The following CAMTA1 variants were observed in gnomAD, a reference collection of about 807,000 sequenced individuals.
The protein encoded by CAMTA1 is calmodulin-binding transcription activator 1.
A neutral mutation model predicts 170.9 loss-of-function variants in CAMTA1; 27 were observed. That is an observed-to-expected ratio of 0.16 (90% confidence interval 0.12 to 0.22). The LOEUF (loss-of-function observed/expected upper bound fraction) is 0.22. Among genes scored for constraint, CAMTA1 ranks in the 10% least tolerant of loss-of-function variants. CAMTA1 has a pLI of 1.00. For synonymous variants in CAMTA1, 833 were observed against 891.5 expected (o/e 0.93, Z 1.17); for missense variants, 1,619 against 2,217.2 (o/e 0.73, Z 5.42).
intron 4 of CAMTA1, among the ~76,000 whole-genome samples, chr1:7,180,728 T>G (rs1428213309): frequency 6.6e-6 from 1 of 152,052 alleles, no homozygotes; most frequent in Non-Finnish European, 1.5e-5. Flanking sequence ...CCCAGGCTGG[T>G]CTTGAGCACC....
At chr1:7,576,059 A>G (rs1407788736) in intron 6 of CAMTA1, among the ~76,000 whole-genome samples, 1 of 152,100 alleles carries the variant, frequency 6.6e-6, no homozygotes, top group Admixed American at 6.6e-5. Context: ...CCCAGGCTGG[A>G]GTGCAATGGT....
chr1:7,049,142 G>C (rs1406879480), intron 3 of CAMTA1, among the ~76,000 whole-genome samples: 1 of 152,200 alleles, frequency 6.6e-6, no homozygotes, highest in Non-Finnish European at 1.5e-5. Context: ...CTTGTTTCAA[G>C]TCTGGGGGTT....
intron 11 of CAMTA1, among the ~76,000 whole-genome samples, chr1:7,687,158 G>C (rs1457923174): frequency 1.3e-5 from 2 of 151,892 alleles, no homozygotes; most frequent in African/African-American, 2.4e-5. Flanking sequence ...AAACAGCACA[G>C]ATGAAGCAGA....
chr1:6,803,010 A>G (rs986118629), intron 1 of CAMTA1, among the ~76,000 whole-genome samples: 4 of 152,178 alleles, frequency 2.6e-5, no homozygotes, highest in East Asian at 1.9e-4. Context: ...CAGTCTCTCA[A>G]AGGGCTGGGA....
chr1:7,485,084 G>A (rs922949733), intron 6 of CAMTA1, among the ~76,000 whole-genome samples: 5 of 152,130 alleles, frequency 3.3e-5, no homozygotes, highest in Non-Finnish European at 7.4e-5. Flanking sequence ...AGCCCCTTCT[G>A]TTGCCTCCAA....
At chr1:6,919,658 T>G (rs1381692476) in intron 3 of CAMTA1, among the ~76,000 whole-genome samples, 1 of 152,262 alleles carries the variant, frequency 6.6e-6, no homozygotes, top group Non-Finnish European at 1.5e-5. Flanking sequence ...TACCGAAGAC[T>G]GGGCAATTTA....
At chr1:7,019,860 G>C (rs760953394) in intron 3 of CAMTA1, among the ~76,000 whole-genome samples, 31 of 152,222 alleles carry the variant, frequency 2.0e-4, no homozygotes, top group South Asian at 6.2e-4. Context: ...TCCGACTCCA[G>C]CTCTCATGGA....
At chr1:6,799,458 G>A (rs1643388839) in intron 1 of CAMTA1, among the ~76,000 whole-genome samples, 1 of 152,152 alleles carries the variant, frequency 6.6e-6, no homozygotes, top group African/African-American at 2.4e-5. Context: ...TGCCACTTAG[G>A]TGGACCAGGA....
At position 7,443,548 on chromosome 1, in the gene CAMTA1, G is replaced by A. The variant is rs1250566037; in HGVS notation, c.439-24282G>A. Among the ~76,000 whole-genome samples, 3 of 151,834 alleles carry A rather than the reference G, an allele frequency of 2.0e-5. No homozygotes were observed. The highest frequency in any genetic ancestry group is 7.2e-5 in the African/African-American group (3 of 41,392). The stretch of plus-strand genomic sequence containing the variant: ...CTGATTGAGCTTCTGCTTGGCATAT[G>A]GCCCTGCTAGGGCACTGGGAACCCA... On this transcript the variant is annotated intron_variant, in intron 5 of 22. Coordinates refer to ENST00000303635, the MANE Select transcript of CAMTA1 (RefSeq NM_015215.4). This position sits in a 1 kb window ranked among gnomAD's most constrained non-coding sequence, Gnocchi z 4.1.
At chr1:7,766,336 A>G (rs763516511) in intron 22 of CAMTA1, 123 bp from the exon 23 acceptor site, 22 of 770,952 alleles carry the variant, frequency 2.9e-5, no homozygotes, top group South Asian at 4.0e-5. Flanking sequence ...TTTGCCGTCA[A>G]TCCTCAAAAC....
At chr1:7,163,982 T>G (rs1185902294) in intron 4 of CAMTA1, among the ~76,000 whole-genome samples, 1 of 152,228 alleles carries the variant, frequency 6.6e-6, no homozygotes, top group East Asian at 1.9e-4. Flanking sequence ...CTAGCACAGA[T>G]ATGCTAGCAC....
chr1:7,433,511 G>A (rs2092248699), intron 5 of CAMTA1, among the ~76,000 whole-genome samples: 1 of 152,148 alleles, frequency 6.6e-6, no homozygotes, highest in African/African-American at 2.4e-5. Context: ...CCACTTCTCA[G>A]GGAGGGGCCA....
intron 6 of CAMTA1, among the ~76,000 whole-genome samples, chr1:7,639,153 G>A (rs2095740135): frequency 1.3e-5 from 2 of 151,842 alleles, no homozygotes; most frequent in African/African-American, 4.8e-5. Context: ...TAATTTTTTT[G>A]TATTTTTAGT....
intron 5 of CAMTA1, among the ~76,000 whole-genome samples, chr1:7,409,290 C>G (rs1404723045): frequency 1.3e-5 from 2 of 152,186 alleles, no homozygotes; most frequent in Non-Finnish European, 2.9e-5. Context: ...CCGAATACTT[C>G]TTCTTGGAGG....
At chr1:7,247,759 TA>T (rs1420274953) in intron 4 of CAMTA1, among the ~76,000 whole-genome samples, 4 of 152,078 alleles carry the variant, frequency 2.6e-5, no homozygotes, top group African/African-American at 9.7e-5. Context: ...CGGTGAAGAT[TA>T]AGGACAAACA....
Position 7,634,544 on chromosome 1 carries a change from A to G in CAMTA1, c.511-5856A>G, listed in dbSNP as rs981754418. Among the ~76,000 whole-genome samples, 7 of 152,088 alleles carry G rather than the reference A, an allele frequency of 4.6e-5. No homozygotes were observed. The highest frequency in any genetic ancestry group is 1.0e-4 in the Non-Finnish European group (7 of 68,020). ...CTGGGAATCTGGTGGGTGTGAGGTC[A>G]GGACACTGGATGAGGCCACTAAGGA... On this transcript the variant is annotated intron_variant, in intron 6 of 22. Transcript: ENST00000303635. The surrounding 1 kb of genome is among the most constrained non-coding windows in gnomAD (Gnocchi z 6.2).
At chr1:7,507,113 C>G (rs945040542) in intron 6 of CAMTA1, among the ~76,000 whole-genome samples, 3 of 151,928 alleles carry the variant, frequency 2.0e-5, no homozygotes, top group Admixed American at 6.6e-5. Context: ...CATGCTCACC[C>G]TCTAACCCTC....
At chr1:6,800,905 C>T (rs561032813) in intron 1 of CAMTA1, among the ~76,000 whole-genome samples, 23 of 152,344 alleles carry the variant, frequency 1.5e-4, no homozygotes, top group Middle Eastern at 3.4e-3. Flanking sequence ...TTCGTGTAAA[C>T]ATTCCCTGCC....
At chr1:6,823,656 T>A (rs1048039934) in intron 2 of CAMTA1, among the ~76,000 whole-genome samples, 1 of 152,162 alleles carries the variant, frequency 6.6e-6, no homozygotes. Context: ...TTAAGATCTT[T>A]TCCTTGAGAA....
Sources: allele counts gnomAD v4.1 joint callset (sites outside exome capture counted in the v4.1 genomes callset), GRCh38; gene constraint gnomAD v4.1.1; non-coding constraint Gnocchi (gnomAD v3.1); transcripts MANE v1.5; gene names NCBI Gene and HGNC (gene_info 2026-07-23, HGNC 2026-07-21).